Variants in ZNG1B observed in about 807,000 individuals in gnomAD.
ZNG1B encodes the protein Zn regulated GTPase metalloprotein activator 1B.
chr2:113,495,333 C>T, the ZNG1B span: 11 of 1,479,688 alleles, frequency 7.4e-6, 1 homozygote, highest in Non-Finnish European at 8.1e-6. Context: ...AACAGATTAA[C>T]CATTCAGGTC....
the ZNG1B span, among the ~76,000 whole-genome samples, chr2:113,440,831 A>G: frequency 1.4e-5 from 2 of 144,580 alleles, no homozygotes; most frequent in Non-Finnish European, 3.0e-5. Flanking sequence ...ACGGTTCACA[A>G]GACTATTTTT....
chr2:113,477,145 G>C, the ZNG1B span, among the ~76,000 whole-genome samples: 2 of 152,190 alleles, frequency 1.3e-5, no homozygotes, highest in Non-Finnish European at 2.9e-5. Flanking sequence ...TTTGATCTCA[G>C]ACTGCTGTGC....
chr2:113,481,953 A>G, the ZNG1B span: 1 of 624,360 alleles, frequency 1.6e-6, no homozygotes, highest in Non-Finnish European at 2.7e-6. Context: ...TTCTGTGCAT[A>G]TGTATATATA....
At chr2:113,472,769 C>G in the ZNG1B span, among the ~76,000 whole-genome samples, 1 of 151,874 alleles carries the variant, frequency 6.6e-6, no homozygotes, top group South Asian at 2.1e-4. Flanking sequence ...TTGTTTTTCT[C>G]AGGTTTGTCA....
chr2:113,488,210 C>T, the ZNG1B span, among the ~76,000 whole-genome samples: 1 of 152,322 alleles, frequency 6.6e-6, no homozygotes, highest in Non-Finnish European at 1.5e-5. Context: ...GACTACCCCC[C>T]AGTACCAGCC....
chr2:113,455,646 A>C, the ZNG1B span: 3 of 1,286,808 alleles, frequency 2.3e-6, no homozygotes, highest in African/African-American at 4.6e-5. Flanking sequence ...CCAAAGCAGT[A>C]ATTTCTTAGA....
chr2:113,441,274 G>A, the ZNG1B span: 135 of 1,349,892 alleles, frequency 1.0e-4, no homozygotes, highest in African/African-American at 2.4e-4. Flanking sequence ...TCTCAAAAAC[G>A]TTAGGATTCT....
At chr2:113,448,896 C>G in the ZNG1B span, among the ~76,000 whole-genome samples, 2 of 150,888 alleles carry the variant, frequency 1.3e-5, no homozygotes, top group South Asian at 4.2e-4. Context: ...GAGCGAGACT[C>G]CATCTCAAAA....
the ZNG1B span, among the ~76,000 whole-genome samples, chr2:113,475,387 G>A: frequency 1.3e-5 from 2 of 151,860 alleles, no homozygotes; most frequent in Non-Finnish European, 2.9e-5. Context: ...GTGTGTCTCT[G>A]CACGTGAGAT....
At chr2:113,462,304 T>TGG in the ZNG1B span, 1 of 1,256,104 alleles carries the variant, frequency 8.0e-7, no homozygotes. Context: ...ACATGAGGCG[T>TGG]TTTTATTTAT....
chr2:113,463,109 A>C, the ZNG1B span, among the ~76,000 whole-genome samples: 1 of 151,564 alleles, frequency 6.6e-6, no homozygotes, highest in Non-Finnish European at 1.5e-5. Context: ...TAGGACAATC[A>C]GGACAATATG....
the ZNG1B span, among the ~76,000 whole-genome samples, chr2:113,487,380 T>TA: frequency 2.0e-5 from 3 of 152,132 alleles, no homozygotes; most frequent in Admixed American, 6.5e-5. Context: ...TTTATTGTGG[T>TA]AAAAAACACT....
the ZNG1B span, chr2:113,468,467 C>T: frequency 6.8e-6 from 1 of 146,184 alleles, no homozygotes; most frequent in African/African-American, 2.6e-5. Context: ...AATTGAAAGC[C>T]TCTCTTTTAA....
chr2:113,462,395 T>C, the ZNG1B span: 6 of 1,596,098 alleles, frequency 3.8e-6, no homozygotes, highest in South Asian at 6.6e-5. Flanking sequence ...CATTTCTCTG[T>C]TTGCTATTTT....
chr2:113,488,840 G>A, the ZNG1B span, among the ~76,000 whole-genome samples: 3 of 152,108 alleles, frequency 2.0e-5, no homozygotes, highest in Admixed American at 6.5e-5. Flanking sequence ...AAGAAAATAT[G>A]AAGAAAGCCT....
chr2:113,468,947 C>T, the ZNG1B span: 1 of 151,880 alleles, frequency 6.6e-6, no homozygotes. Context: ...AGAATTACCT[C>T]TGGATGGCAT....
At chr2:113,488,206 C>A in the ZNG1B span, among the ~76,000 whole-genome samples, 1 of 152,144 alleles carries the variant, frequency 6.6e-6, no homozygotes, top group Non-Finnish European at 1.5e-5. Flanking sequence ...TGCAGACTAC[C>A]CCCCAGTACC....
chr2:113,477,485 C>T, the ZNG1B span, among the ~76,000 whole-genome samples: 1 of 152,210 alleles, frequency 6.6e-6, no homozygotes, highest in African/African-American at 2.4e-5. Flanking sequence ...TCTTCTGCGT[C>T]TCTCACGCTG....
chr2:113,465,593 CAA>C, the ZNG1B span, among the ~76,000 whole-genome samples: 1 of 151,406 alleles, frequency 6.6e-6, no homozygotes, highest in Non-Finnish European at 1.5e-5. Context: ...AAGTTCCTGA[CAA>C]ATTCTTTTAT....
Sources: allele counts gnomAD v4.1 joint callset (sites outside exome capture counted in the v4.1 genomes callset), GRCh38; gene constraint gnomAD v4.1.1; transcripts MANE v1.5; gene names NCBI Gene and HGNC (gene_info 2026-07-23, HGNC 2026-07-21).